NIPAL2: variants seen among roughly 807,000 people sequenced by gnomAD.
NIPAL2 encodes the protein NIPA like domain containing 2, also known as NIPA-like protein 2.
Under a neutral mutation model 48.9 loss-of-function variants are expected in NIPAL2, and 43 were observed. The ratio of observed to expected loss-of-function variants is 0.88; its 90% CI spans 0.69 to 1.13. NIPAL2 has a LOEUF of 1.13. NIPAL2 is among the 50% of genes most tolerant of loss of function. The probability of loss-of-function intolerance (pLI) is 0.00; values close to 1 mark genes in which losing one functional copy is unlikely to be tolerated. For missense variants in NIPAL2, 446 were observed against 461.4 expected (o/e 0.97, Z 0.31); for synonymous variants, 167 against 174.6 (o/e 0.96, Z 0.34).
chr8:98,272,856 T>C (rs1815222786), intron 1 of NIPAL2, among the ~76,000 whole-genome samples: 2 of 152,192 alleles, frequency 1.3e-5, no homozygotes, highest in African/African-American at 4.8e-5. Flanking sequence ...CATAAACTTA[T>C]GATGTCTGAA....
chr8:98,246,804 A>G (rs993785576), intron 3 of NIPAL2, among the ~76,000 whole-genome samples: 1 of 151,616 alleles, frequency 6.6e-6, no homozygotes, highest in Non-Finnish European at 1.5e-5. Context: ...ATCACATTCT[A>G]TTTCTCCCTC....
intron 4 of NIPAL2, 21 bp downstream of exon 4, chr8:98,236,134 A>G (rs1172952881): frequency 1.1e-5 from 16 of 1,494,500 alleles, no homozygotes; most frequent in Non-Finnish European, 1.5e-5. Flanking sequence ...CTACAATTAC[A>G]TGAATTAAAT....
rs1333211722 is a variant in NIPAL2, at chr8:98,249,086, T to A, written c.376+3377A>T. ...GATACAATCAAGGGAATCTCAGATG[T>A]GTTCAGTATGTTTTGGAGACCTGGC... On this transcript the variant is annotated intron_variant, in intron 3 of 10. Transcript: ENST00000430223. Among the ~76,000 whole-genome samples, 6 of 152,240 alleles carry A rather than the reference T, an allele frequency of 3.9e-5. No homozygotes were observed. In the South Asian group the frequency reaches 1.2e-3, roughly 32 times the overall value.
At chr8:98,267,637 A>C (rs1257512713) in intron 1 of NIPAL2, among the ~76,000 whole-genome samples, 1 of 152,000 alleles carries the variant, frequency 6.6e-6, no homozygotes, top group Non-Finnish European at 1.5e-5. Flanking sequence ...TATATTTTCT[A>C]ATCAGTAATG....
intron 1 of NIPAL2, among the ~76,000 whole-genome samples, chr8:98,280,628 G>A (rs1015162483): frequency 4.0e-5 from 6 of 150,960 alleles, no homozygotes; most frequent in African/African-American, 1.5e-4. Context: ...ATCTCTCCAG[G>A]ACAGTTAGGA....
rs531747842 is a variant in NIPAL2 at position 98,228,867 on chromosome 8, G to T, written c.437-6267C>A. 2.0e-5 allele frequency among the ~76,000 whole-genome samples: 3 copies of T among 152,302 alleles called. No individual in the cohort carries two copies. In the East Asian group the frequency reaches 5.8e-4, roughly 29 times the overall value. On this transcript the variant is annotated intron_variant, in intron 4 of 10. Transcript: ENST00000430223. ...TTGGCTGGTGTTTTCTCAATGCCTA[G>T]CAAAGACTTCTTGCTGTTGGTTTTC...
At chr8:98,264,137 A>G (rs906228071) in intron 1 of NIPAL2, among the ~76,000 whole-genome samples, 21 of 151,950 alleles carry the variant, frequency 1.4e-4, no homozygotes, top group African/African-American at 4.4e-4. Context: ...TGTCAAAATA[A>G]TAAGAGCTAT....
rs554320842 is a variant in NIPAL2 at position 98,192,866 on chromosome 8, T to C, written c.*112A>G. ...GCTGAGGTGGGGGAAAGGACTGAAA[T>C]GAATGCTAGCACATGTTAGCTTATA... On this transcript the variant is annotated 3_prime_UTR_variant, in exon 11 of 11. Coordinates refer to ENST00000430223, the MANE Select transcript of NIPAL2 (RefSeq NM_001321635.2). The C allele has an allele frequency of 2.9e-6, 2 of 693,386 alleles. No homozygotes were observed. Among genetic ancestry groups the C allele is most frequent in the South Asian group, 3.2e-5 (2 of 61,618 alleles). The allele number at this position is 693,386 out of a possible 1,614,324, so 43.0% of individuals were successfully genotyped here.
At position 98,294,084 on chromosome 8, in the gene NIPAL2, G is replaced by T; in HGVS notation, c.54C>A (p.Asp18Glu). The T allele has an allele frequency of 6.7e-7, 1 of 1,493,766 alleles. No homozygotes were observed. The highest frequency in any genetic ancestry group is 1.3e-5 in the South Asian group (1 of 78,492). 92.5% of individuals were successfully genotyped at this position (1,493,766 alleles called of 1,614,324 possible). Residue 18 changes from aspartate (D) to glutamate (E), a missense_variant, in exon 1 of 11, where the codon GAC becomes GAA. By Grantham distance (45) the Asp-to-Glu change is conservative. Transcript: ENST00000430223. ...GPGDSASAAL[D>E]ELSLNFTYGA... The stretch of plus-strand genomic sequence containing the variant: ...CGTACGTGAAATTCAGTGACAGCTC[G>T]TCCAGGGCGGCCGAGGCGGAGTCCC...
At chr8:98,216,596 T>C (rs1488722377) in intron 5 of NIPAL2, among the ~76,000 whole-genome samples, 1 of 152,236 alleles carries the variant, frequency 6.6e-6, no homozygotes, top group Non-Finnish European at 1.5e-5. Flanking sequence ...GCTGACTTAA[T>C]AATCCGGTTT....
At chr8:98,286,735 G>A (rs1283850316) in intron 1 of NIPAL2, among the ~76,000 whole-genome samples, 7 of 151,192 alleles carry the variant, frequency 4.6e-5, no homozygotes, top group African/African-American at 1.7e-4. Context: ...CTTGAACCCA[G>A]GAGGCAGAGG....
At chr8:98,205,472 C>T (rs1229258848) in intron 6 of NIPAL2, among the ~76,000 whole-genome samples, 1 of 150,092 alleles carries the variant, frequency 6.7e-6, no homozygotes, top group Non-Finnish European at 1.5e-5. Context: ...TGCTGTGTGA[C>T]TGTGTGTTTT....
At position 98,226,519 on chromosome 8, in the gene NIPAL2, G is replaced by A. The variant is rs142119706; in HGVS notation, c.437-3919C>T. ...GTTGGTGGTCTTGGATAAGATCTGGGTAAATTACCTGGATTAACAGGCAGA... is the reference window on the plus strand; with the variant it reads ...GTTGGTGGTCTTGGATAAGATCTGGATAAATTACCTGGATTAACAGGCAGA... On this transcript the variant is annotated intron_variant, in intron 4 of 10. Transcript: ENST00000430223. Among the ~76,000 whole-genome samples the A allele has an allele frequency of 6.7e-3, 1,026 of 152,288 alleles. 9 individuals carry two copies. Among genetic ancestry groups the A allele is most frequent in the Middle Eastern group, 0.034 (10 of 294 alleles).
intron 5 of NIPAL2, among the ~76,000 whole-genome samples, chr8:98,215,812 G>C (rs1053958567): frequency 2.4e-4 from 36 of 152,094 alleles, no homozygotes; most frequent in African/African-American, 8.4e-4. Context: ...TTGTACCTGT[G>C]AGGTTTCCAT....
At chr8:98,230,517 C>G (rs1469663830) in intron 4 of NIPAL2, among the ~76,000 whole-genome samples, 1 of 152,162 alleles carries the variant, frequency 6.6e-6, no homozygotes, top group Non-Finnish European at 1.5e-5. Context: ...GTAAATCTCC[C>G]AGAGGAGGAT....
rs572796142 is a variant in NIPAL2 at position 98,262,897 on chromosome 8, A to C, written c.136-8810T>G. On this transcript the variant is annotated intron_variant, in intron 1 of 10. Coordinates refer to ENST00000430223, the MANE Select transcript of NIPAL2 (RefSeq NM_001321635.2). ...TTGGAAGTAAAGCTCTCCTCAGCAA[A>C]TGTGAAAGAACAGAAATTATAACAA... Among the ~76,000 whole-genome samples, 254 of 152,214 alleles carry C rather than the reference A, an allele frequency of 1.7e-3. 1 individual carries two copies. Among genetic ancestry groups the C allele is most frequent in the African/African-American group, 5.9e-3 (243 of 41,502 alleles).
At chr8:98,252,382 C>T (rs766455975) in intron 3 of NIPAL2, 81 bp downstream of exon 3, 29 of 1,320,846 alleles carry the variant, frequency 2.2e-5, no homozygotes, top group Non-Finnish European at 3.0e-5. Context: ...TTCTTTGGTG[C>T]ATTTGTTGTT....
At chr8:98,214,388 T>C (rs549552900) in intron 5 of NIPAL2, among the ~76,000 whole-genome samples, 3 of 152,272 alleles carry the variant, frequency 2.0e-5, no homozygotes, top group South Asian at 4.1e-4. Context: ...GGTCTTGAAC[T>C]CCTGACCTCA....
At position 98,192,991 on chromosome 8, in the gene NIPAL2, T is replaced by G. The variant is rs968218993; in HGVS notation, c.1139A>C (p.Lys380Thr). The G allele has an allele frequency of 4.3e-6, 7 of 1,611,004 alleles. No individual in the cohort carries two copies. The highest frequency in any genetic ancestry group is 5.9e-6 in the Non-Finnish European group (7 of 1,177,354). Residue 380 changes from lysine to threonine, a missense_variant, in exon 11 of 11, where the codon AAG becomes ACG. By Grantham distance (78) the Lys-to-Thr change is moderately conservative. Transcript: ENST00000430223. ...CCTTCTCAGCATTTAGACCTCTTTC[T>G]TCTCTCCACTTTGGCTCTTTGTTGA... Reference protein sequence around the residue: ...SDSTKSQSGEKKEV With the variant: ...SDSTKSQSGETKEV
Sources: allele counts gnomAD v4.1 joint callset (sites outside exome capture counted in the v4.1 genomes callset), GRCh38; gene constraint gnomAD v4.1.1; transcripts MANE v1.5; gene names NCBI Gene and HGNC (gene_info 2026-07-23, HGNC 2026-07-21).